The following DRC10 variants were observed in gnomAD, a reference collection of about 807,000 sequenced individuals.
DRC10 encodes the protein IQ domain-containing protein D.
chr12:113,198,113 A>G, the DRC10 span, among the ~76,000 whole-genome samples: 2 of 152,370 alleles, frequency 1.3e-5, no homozygotes, highest in Admixed American at 6.5e-5. Context: ...GCTACTCAGG[A>G]GGCTGAGGCA....
chr12:113,213,900 C>A, the DRC10 span, among the ~76,000 whole-genome samples: 1 of 152,080 alleles, frequency 6.6e-6, no homozygotes, highest in East Asian at 1.9e-4. Flanking sequence ...GCCGAGATTG[C>A]AGCACTGCAC....
At chr12:113,198,238 A>T in the DRC10 span, among the ~76,000 whole-genome samples, 3 of 152,110 alleles carry the variant, frequency 2.0e-5, no homozygotes, top group East Asian at 3.8e-4. Flanking sequence ...TAAAAAAAAA[A>T]TTAAAGGACA....
the DRC10 span, chr12:113,197,499 T>C: frequency 7.4e-7 from 1 of 1,354,168 alleles, no homozygotes; most frequent in South Asian, 1.2e-5. Context: ...CTAGAAGGTC[T>C]TGGGAAAAGC....
chr12:113,201,532 G>A, the DRC10 span, among the ~76,000 whole-genome samples: 1 of 152,160 alleles, frequency 6.6e-6, no homozygotes, highest in Non-Finnish European at 1.5e-5. Flanking sequence ...CACTTAGTGG[G>A]GTGCATGAAG....
the DRC10 span, among the ~76,000 whole-genome samples, chr12:113,214,507 CAAAAA>C: frequency 2.0e-5 from 1 of 50,324 alleles, no homozygotes; most frequent in Non-Finnish European, 4.2e-5. Flanking sequence ...GACTCCGTCT[CAAAAA>C]AAAAAAAAAA....
the DRC10 span, chr12:113,208,121 CA>C: frequency 6.2e-7 from 1 of 1,614,148 alleles, no homozygotes; most frequent in South Asian, 1.1e-5. Flanking sequence ...CTGTTGATGG[CA>C]GGGGCCTGAT....
chr12:113,199,590 T>C, the DRC10 span, among the ~76,000 whole-genome samples: 1 of 151,756 alleles, frequency 6.6e-6, no homozygotes, highest in Non-Finnish European at 1.5e-5. Context: ...TGCTCAAGAG[T>C]GTGACACTAA....
the DRC10 span, among the ~76,000 whole-genome samples, chr12:113,214,390 C>G: frequency 6.6e-6 from 1 of 150,904 alleles, no homozygotes; most frequent in Non-Finnish European, 1.5e-5. Context: ...CCTGTAATCC[C>G]AACTACTTGG....
chr12:113,197,274 C>T, the DRC10 span, among the ~76,000 whole-genome samples: 1 of 149,524 alleles, frequency 6.7e-6, no homozygotes, highest in African/African-American at 2.5e-5. Context: ...TGAGCTCAAG[C>T]GATCCTCCCA....
the DRC10 span, among the ~76,000 whole-genome samples, chr12:113,212,573 G>A: frequency 1.3e-5 from 2 of 152,186 alleles, no homozygotes; most frequent in African/African-American, 4.8e-5. Flanking sequence ...GGCTGGAAAC[G>A]CAACGTTACA....
the DRC10 span, among the ~76,000 whole-genome samples, chr12:113,198,158 A>C: frequency 6.6e-6 from 1 of 152,212 alleles, no homozygotes; most frequent in East Asian, 1.9e-4. Context: ...CAGAGTTTGC[A>C]GTGAGCTGAG....
the DRC10 span, among the ~76,000 whole-genome samples, chr12:113,202,265 A>G: frequency 6.6e-6 from 1 of 151,736 alleles, no homozygotes; most frequent in Non-Finnish European, 1.5e-5. Context: ...AGACCCCTCA[A>G]GACCACACAA....
At chr12:113,201,721 G>A in the DRC10 span, among the ~76,000 whole-genome samples, 39 of 152,322 alleles carry the variant, frequency 2.6e-4, no homozygotes, top group South Asian at 6.4e-3. Context: ...TGAGCACAGC[G>A]GTGCTATGGC....
At chr12:113,201,615 T>G in the DRC10 span, among the ~76,000 whole-genome samples, 1 of 152,240 alleles carries the variant, frequency 6.6e-6, no homozygotes, top group Non-Finnish European at 1.5e-5. Context: ...GCTTGTCCCC[T>G]GCCTTGGGTG....
At chr12:113,197,816 G>A in the DRC10 span, among the ~76,000 whole-genome samples, 29 of 152,242 alleles carry the variant, frequency 1.9e-4, no homozygotes, top group Admixed American at 6.5e-5. Flanking sequence ...GAGCTAATGG[G>A]TGGCAGAGCC....
the DRC10 span, among the ~76,000 whole-genome samples, chr12:113,214,809 T>C: frequency 6.6e-6 from 1 of 152,320 alleles, no homozygotes; most frequent in East Asian, 1.9e-4. Flanking sequence ...TTTTACTTTT[T>C]CATAGTTGAG....
the DRC10 span, among the ~76,000 whole-genome samples, chr12:113,205,931 A>G: frequency 5.5e-5 from 8 of 146,078 alleles, no homozygotes; most frequent in African/African-American, 2.0e-4. Context: ...AAAAGAAATC[A>G]ATAGGCCGGG....
chr12:113,200,520 T>TACCCC, the DRC10 span: 1 of 991,436 alleles, frequency 1.0e-6, no homozygotes. Flanking sequence ...GATGGAACAG[T>TACCCC]CCCACCCATC....
At chr12:113,195,951 T>A in the DRC10 span, 1 of 1,531,830 alleles carries the variant, frequency 6.5e-7, no homozygotes, top group Admixed American at 1.9e-5. Flanking sequence ...CCCTCCTCCC[T>A]GAGGCCCCCT....
Sources: gnomAD v4.1 joint callset for allele counts (sites outside exome capture counted in the v4.1 genomes callset) on GRCh38, gnomAD v4.1.1 for gene constraint, MANE v1.5 for transcripts, NCBI Gene and HGNC (gene_info 2026-07-23, HGNC 2026-07-21) for gene names.